The following WAC variants were observed in gnomAD, a reference collection of about 807,000 sequenced individuals.
The protein encoded by WAC is WW domain-containing adapter protein with coiled-coil.
WAC carries 11 observed loss-of-function variants against 79.6 expected under a neutral mutation model. The ratio of observed to expected loss-of-function variants is 0.14; its 90% confidence interval spans 0.09 to 0.23. The LOEUF is 0.23. WAC is among the 10% of genes least tolerant of loss of function. The pLI is 1.00. For missense variants in WAC, 728 were observed against 773.5 expected (o/e 0.94, Z 0.70); for synonymous variants, 304 against 276.9 (o/e 1.10, Z -0.97).
In WAC at chr10:28,616,169, C is replaced by G. The variant is rs1203439454; in HGVS notation, c.1557-4C>G. On this transcript the variant is annotated splice_region_variant and splice_polypyrimidine_tract_variant and intron_variant, in intron 11 of 13. Transcript: ENST00000354911. ...CATACTACACATTCAATTCTGTTTTCTAGTAGCCAGAGAAGTCCATCACCT... is the reference window on the plus strand; with the variant it reads ...CATACTACACATTCAATTCTGTTTTGTAGTAGCCAGAGAAGTCCATCACCT... 6.3e-7 allele frequency: 1 copy of G among 1,580,202 alleles called. No individual in the cohort carries two copies. The highest frequency in any genetic ancestry group is 8.6e-7 in the Non-Finnish European group (1 of 1,158,736).
intron 9 of WAC, chr10:28,611,182 G>A: frequency 9.8e-7 from 1 of 1,024,046 alleles, no homozygotes; most frequent in Non-Finnish European, 1.3e-6. Context: ...AAGAGTTGAA[G>A]TTTGGTTCAG....
intron 13 of WAC, among the ~76,000 whole-genome samples, chr10:28,619,265 G>GC (rs1841604007): frequency 6.6e-6 from 1 of 152,168 alleles, no homozygotes; most frequent in Non-Finnish European, 1.5e-5. Flanking sequence ...GGGCAACAGA[G>GC]CAAGACTCTG....
chr10:28,535,919 A>T (rs1234977845), intron 3 of WAC, 162 bp downstream of exon 3: 2 of 646,724 alleles, frequency 3.1e-6, no homozygotes, highest in South Asian at 5.3e-5. Context: ...GTTACTGTAG[A>T]AACAAGATGC....
At chr10:28,615,932 T>A (rs1157060967) in intron 11 of WAC, 1 of 378,948 alleles carries the variant, frequency 2.6e-6, no homozygotes, top group Non-Finnish European at 4.7e-6. Context: ...GCTCTCAGAT[T>A]TGGAGAGTAG....
At chr10:28,544,447 G>A (rs2132373900) in intron 3 of WAC, among the ~76,000 whole-genome samples, 1 of 152,280 alleles carries the variant, frequency 6.6e-6, no homozygotes, top group East Asian at 1.9e-4. Flanking sequence ...CTGAGTGTTT[G>A]TGTCCATCCC....
intron 3 of WAC, among the ~76,000 whole-genome samples, chr10:28,549,165 C>T (rs1235569381): frequency 7.2e-5 from 11 of 152,064 alleles, no homozygotes; most frequent in Non-Finnish European, 1.5e-5. Flanking sequence ...TCCCAAAGTG[C>T]TGGGATAATG....
chr10:28,576,363 G>A (rs944890416), intron 3 of WAC, among the ~76,000 whole-genome samples: 5 of 152,042 alleles, frequency 3.3e-5, no homozygotes, highest in South Asian at 2.1e-4. Context: ...TTCATCTAGC[G>A]TTTATCTCTG....
At chr10:28,564,776 G>A (rs574290697) in intron 3 of WAC, among the ~76,000 whole-genome samples, 1 of 152,328 alleles carries the variant, frequency 6.6e-6, no homozygotes, top group South Asian at 2.1e-4. Context: ...TTGCGTAGCT[G>A]TAGTATATTA....
Position 28,535,589 on chromosome 10 carries a change from C to G in WAC, c.106C>G (p.Pro36Ala). Reference protein sequence around the residue: ...QALKYSSKSHPSSGDHRHEKM... With the variant: ...QALKYSSKSHASSGDHRHEKM... ...ACTTAAGTATTCATCGAAGAGTCAC[C>G]CCAGTAGCGGTGATCACAGACATGA... The change falls in exon 3 of 14, where the codon CCC becomes GCC. Residue 36 changes from proline to alanine, a missense_variant. This residue lies in a region of WAC where 648 missense variants were observed against 661.5 expected (regional missense o/e 0.98). Coordinates refer to ENST00000354911, the MANE Select transcript of WAC (RefSeq NM_016628.5). 1.2e-6 allele frequency: 2 copies of G among 1,613,154 alleles called. No individual in the cohort carries two copies. Among genetic ancestry groups the G allele is most frequent in the South Asian group, 2.2e-5 (2 of 90,998 alleles).
At position 28,600,849 on chromosome 10, in the gene WAC, C is replaced by CAA. The variant is rs1246273850; in HGVS notation, c.919+4810_919+4811dup. On this transcript the variant is annotated intron_variant, in intron 7 of 13. Transcript: ENST00000354911. ...TTAAAGATACATAAAAAGATACATACAAAGCAGAATGAAAAAGACAATCCA... is the reference window on the plus strand; with the variant it reads ...TTAAAGATACATAAAAAGATACATACAAAAAGCAGAATGAAAAAGACAATCCA... Among the ~76,000 whole-genome samples, 4 of 151,778 alleles carry CAA rather than the reference C, an allele frequency of 2.6e-5. No homozygotes were observed. In the East Asian group the frequency reaches 7.7e-4, roughly 29 times the overall value.
intron 7 of WAC, among the ~76,000 whole-genome samples, chr10:28,603,143 G>T (rs1449912797): frequency 6.6e-6 from 1 of 152,200 alleles, no homozygotes; most frequent in East Asian, 1.9e-4. Context: ...TTTAAAGTAG[G>T]AGTATCCAAT....
At chr10:28,547,930 T>TC (rs397781217) in intron 3 of WAC, among the ~76,000 whole-genome samples, 47 of 148,402 alleles carry the variant, frequency 3.2e-4, no homozygotes, top group Admixed American at 2.4e-3. Context: ...TTTTTTTTTT[T>TC]CTTCTTTGAG....
intron 3 of WAC, among the ~76,000 whole-genome samples, chr10:28,569,849 T>A (rs1290589584): frequency 6.6e-6 from 1 of 152,246 alleles, no homozygotes; most frequent in Non-Finnish European, 1.5e-5. Flanking sequence ...TCTTTTTGTG[T>A]ATAAAATTGG....
At position 28,583,666 on chromosome 10, in the gene WAC, A is replaced by G. The variant is rs546689979; in HGVS notation, c.381+161A>G. ...GTTTATTTGATATTATTATTATCCT[A>G]TTTTAAACCAATGAGCCAAGCTTAT... On this transcript the variant is annotated intron_variant, in intron 4 of 13. Coordinates refer to ENST00000354911, the MANE Select transcript of WAC (RefSeq NM_016628.5). Among the ~76,000 whole-genome samples, 61 of 151,700 alleles carry G rather than the reference A, an allele frequency of 4.0e-4. No homozygotes were observed. In the East Asian group the frequency reaches 6.8e-3, roughly 17 times the overall value.
chr10:28,610,246 A>G (rs1841167622), intron 8 of WAC, among the ~76,000 whole-genome samples: 2 of 151,956 alleles, frequency 1.3e-5, no homozygotes. Context: ...TTTTGTATCC[A>G]TTTTTAGATT....
Position 28,554,210 on chromosome 10 carries a change from T to C in WAC, c.274+18453T>C, listed in dbSNP as rs573433263. Among the ~76,000 whole-genome samples the C allele has an allele frequency of 7.2e-5, 11 of 152,260 alleles. No individual in the cohort carries two copies. The South Asian group carries it at 2.1e-3, about 29-fold the overall frequency. On this transcript the variant is annotated intron_variant, in intron 3 of 13. Coordinates refer to ENST00000354911, the MANE Select transcript of WAC (RefSeq NM_016628.5). ...GTACACAGGATGTGCATAGGTTATA[T>C]GCAAATACTACACTACTTCATATAA... is the stretch of plus-strand genomic sequence containing the variant.
At chr10:28,550,582 A>AT (rs1243112686) in intron 3 of WAC, among the ~76,000 whole-genome samples, 1 of 152,140 alleles carries the variant, frequency 6.6e-6, no homozygotes, top group Non-Finnish European at 1.5e-5. Context: ...TGCTCAGTAA[A>AT]TGTTAAATGT....
intron 3 of WAC, among the ~76,000 whole-genome samples, chr10:28,581,668 C>CT (rs1457553764): frequency 1.3e-5 from 2 of 152,126 alleles, no homozygotes; most frequent in Non-Finnish European, 2.9e-5. Flanking sequence ...GATGCTCATG[C>CT]TCCTGCCTCA....
intron 7 of WAC, among the ~76,000 whole-genome samples, chr10:28,603,095 A>G (rs968736822): frequency 6.6e-6 from 1 of 152,224 alleles, no homozygotes; most frequent in Non-Finnish European, 1.5e-5. Context: ...CTAAAACCAG[A>G]TATTATTCCA....
Sources: allele counts gnomAD v4.1 joint callset (sites outside exome capture counted in the v4.1 genomes callset), GRCh38; gene constraint gnomAD v4.1.1; regional missense constraint gnomAD v4.1.1; transcripts MANE v1.5; gene names NCBI Gene and HGNC (gene_info 2026-07-23, HGNC 2026-07-21).